HMBOX1: variants seen among roughly 807,000 people sequenced by gnomAD.
HMBOX1 encodes homeobox-containing protein 1.
In HMBOX1, 14 loss-of-function variants were observed where a neutral mutation model predicts 54.5. That is an observed-to-expected ratio of 0.26 (90% confidence interval 0.17 to 0.40). HMBOX1 has a LOEUF of 0.40. HMBOX1 is among the 10% of genes least tolerant of loss of function. The probability of loss-of-function intolerance (pLI) is 1.00; values close to 1 mark genes in which losing one functional copy is unlikely to be tolerated. For missense variants in HMBOX1, 332 were observed against 514.4 expected (o/e 0.65, Z 3.43); for synonymous variants, 160 against 181.0 (o/e 0.88, Z 0.93).
intron 1 of HMBOX1, among the ~76,000 whole-genome samples, chr8:28,944,460 A>G (rs961955592): frequency 6.6e-6 from 1 of 152,230 alleles, no homozygotes; most frequent in Admixed American, 6.5e-5. Context: ...GCTTACCAAG[A>G]AAAGTTTTTC....
chr8:28,982,688 C>T (rs1211134779), intron 4 of HMBOX1, among the ~76,000 whole-genome samples: 3 of 151,112 alleles, frequency 2.0e-5, no homozygotes, highest in Non-Finnish European at 4.4e-5. Flanking sequence ...TGCAATGGTG[C>T]GATCTCAGCT....
At chr8:28,949,038 A>C (rs535989704) in intron 1 of HMBOX1, among the ~76,000 whole-genome samples, 1 of 152,234 alleles carries the variant, frequency 6.6e-6, no homozygotes, top group Non-Finnish European at 1.5e-5. Context: ...TATTAGTTCT[A>C]TGAGTAAACT....
At chr8:29,022,277 G>A (rs1801304083) in intron 6 of HMBOX1, among the ~76,000 whole-genome samples, 1 of 151,908 alleles carries the variant, frequency 6.6e-6, no homozygotes, top group Admixed American at 6.6e-5. Context: ...AATTAGCAAG[G>A]CGTGGTAGGG....
chr8:28,944,048 A>G (rs1238261091), intron 1 of HMBOX1, among the ~76,000 whole-genome samples: 4 of 152,134 alleles, frequency 2.6e-5, no homozygotes, highest in Admixed American at 1.3e-4. Flanking sequence ...CTGACTTTCT[A>G]CATATTCTAG....
chr8:29,042,939 G>A (rs1805059864), intron 6 of HMBOX1, among the ~76,000 whole-genome samples: 1 of 152,196 alleles, frequency 6.6e-6, no homozygotes, highest in South Asian at 2.1e-4. Context: ...GGAGGCATAG[G>A]TAAATACAAA....
chr8:28,907,209 A>C (rs984910226), intron 1 of HMBOX1, among the ~76,000 whole-genome samples: 38 of 152,174 alleles, frequency 2.5e-4, no homozygotes, highest in Middle Eastern at 3.2e-3. Context: ...TTGGTATTTA[A>C]ATCACAAACT....
intron 5 of HMBOX1, among the ~76,000 whole-genome samples, chr8:29,014,885 G>T (rs1048618915): frequency 6.6e-6 from 1 of 152,080 alleles, no homozygotes; most frequent in Non-Finnish European, 1.5e-5. Flanking sequence ...TCACCATGTT[G>T]GTCAGGCTGG....
At chr8:29,009,701 G>A in intron 5 of HMBOX1, 1 of 1,287,356 alleles carries the variant, frequency 7.8e-7, no homozygotes, top group Non-Finnish European at 1.0e-6. Context: ...CTGCCCTGAT[G>A]ACTCCCAGGA....
intron 3 of HMBOX1, among the ~76,000 whole-genome samples, chr8:28,974,287 A>G (rs1165423837): frequency 1.3e-5 from 2 of 152,236 alleles, no homozygotes; most frequent in Non-Finnish European, 2.9e-5. Flanking sequence ...CATTTTAGGA[A>G]GGACTTTAAA....
Position 29,009,516 on chromosome 8 carries a change from C to T in HMBOX1, c.697+334C>T, listed in dbSNP as rs538763627. 1.9e-5 allele frequency: 16 copies of T among 830,770 alleles called. No individual in the cohort carries two copies. In the East Asian group the frequency reaches 1.0e-3, roughly 54 times the overall value. The allele number at this position is 830,770 out of a possible 1,614,324, so 51.5% of individuals were successfully genotyped here. A position where few individuals can be genotyped will look rare whatever the true frequency, so the allele number is the denominator to read the frequency against. On this transcript the variant is annotated intron_variant, in intron 5 of 9. Coordinates refer to ENST00000287701, the MANE Select transcript of HMBOX1 (RefSeq NM_001135726.3). Reference sequence around the variant, plus strand: ...TCAACTACATAACTACGTAAGATTCCGTATCTCTTTTTTTTTTTTTTTTTT... The same window carrying T: ...TCAACTACATAACTACGTAAGATTCTGTATCTCTTTTTTTTTTTTTTTTTT...
chr8:28,923,233 G>C (rs1242247387), intron 1 of HMBOX1, among the ~76,000 whole-genome samples: 1 of 152,112 alleles, frequency 6.6e-6, no homozygotes, highest in Non-Finnish European at 1.5e-5. Context: ...TGTTTCTATG[G>C]ATTTGCCTGT....
At chr8:28,947,004 T>C (rs1413267242) in intron 1 of HMBOX1, among the ~76,000 whole-genome samples, 2 of 152,202 alleles carry the variant, frequency 1.3e-5, no homozygotes, top group Non-Finnish European at 2.9e-5. Context: ...TAAACCCTTG[T>C]CATTTTGGAG....
chr8:29,031,909 G>C (rs550548992), intron 6 of HMBOX1, among the ~76,000 whole-genome samples: 2 of 152,142 alleles, frequency 1.3e-5, no homozygotes, highest in Non-Finnish European at 1.5e-5. Context: ...CAGTGGAGTG[G>C]GGTCCTGGAG....
chr8:28,988,750 A>C (rs1162802681), intron 4 of HMBOX1, among the ~76,000 whole-genome samples: 1 of 151,966 alleles, frequency 6.6e-6, no homozygotes, highest in Non-Finnish European at 1.5e-5. Flanking sequence ...TGTCTGTCAA[A>C]TCTTTTGTCT....
intron 4 of HMBOX1, among the ~76,000 whole-genome samples, chr8:28,989,324 CAT>C (rs1830620532): frequency 6.6e-6 from 1 of 151,676 alleles, no homozygotes. Context: ...AAGATTTTCT[CAT>C]GTTTTCCTCT....
At position 28,970,431 on chromosome 8, in the gene HMBOX1, C is replaced by T. The variant is rs760114614; in HGVS notation, c.412C>T (p.His138Tyr). 6.2e-7 allele frequency: 1 copy of T among 1,614,078 alleles called. No individual in the cohort carries two copies. Among genetic ancestry groups the T allele is most frequent in the Admixed American group, 1.7e-5 (1 of 60,012 alleles). ...TGGAAAGATGTCACCAACTCGCTAC[C>T]ATGCAAACAGCATGGGTCAGAGGTC... ...SNGKMSPTRY[H>Y]ANSMGQRSYS... Residue 138 changes from histidine to tyrosine, a missense_variant, in exon 3 of 10, where the codon CAT becomes TAT. His to Tyr is a moderately conservative substitution (Grantham distance 83, BLOSUM62 2). Coordinates refer to ENST00000287701, the MANE Select transcript of HMBOX1 (RefSeq NM_001135726.3). The surrounding 1 kb of genome is among the most constrained non-coding windows in gnomAD (Gnocchi z 4.3).
chr8:29,021,574 G>A (rs575699663), intron 6 of HMBOX1, among the ~76,000 whole-genome samples: 103 of 152,062 alleles, frequency 6.8e-4, no homozygotes, highest in African/African-American at 2.5e-3. Context: ...ATGCTCAATC[G>A]GCCAGGCGCG....
At chr8:29,008,120 G>A (rs1177386047) in intron 4 of HMBOX1, among the ~76,000 whole-genome samples, 1 of 152,148 alleles carries the variant, frequency 6.6e-6, no homozygotes, top group Non-Finnish European at 1.5e-5. Context: ...GAGGTTTTAG[G>A]TATAGGTAAC....
At chr8:28,900,926 C>G (rs1813131508) in intron 1 of HMBOX1, among the ~76,000 whole-genome samples, 1 of 152,090 alleles carries the variant, frequency 6.6e-6, no homozygotes, top group Non-Finnish European at 1.5e-5. Context: ...GAATATTGAG[C>G]TGGTTGTGAA....
Sources: gnomAD v4.1 joint callset for allele counts (sites outside exome capture counted in the v4.1 genomes callset) on GRCh38, gnomAD v4.1.1 for gene constraint, Gnocchi (gnomAD v3.1) non-coding constraint, MANE v1.5 for transcripts, NCBI Gene and HGNC (gene_info 2026-07-23, HGNC 2026-07-21) for gene names.